Variants in PTPRT observed in about 807,000 individuals in gnomAD.
PTPRT encodes receptor-type tyrosine-protein phosphatase T.
A neutral mutation model predicts 176.8 loss-of-function variants in PTPRT; 56 were observed. That is an observed-to-expected ratio of 0.32 (90% confidence interval 0.26 to 0.40). PTPRT has a LOEUF of 0.40. PTPRT is among the 10% of genes least tolerant of loss of function. PTPRT has a pLI of 1.00. For synonymous variants in PTPRT, 783 were observed against 739.0 expected, an observed-to-expected ratio of 1.06 and a Z score of -0.96; for missense variants, 1,540 against 1,908.2, an observed-to-expected ratio of 0.81 and a Z score of 3.60.
intron 1 of PTPRT, among the ~76,000 whole-genome samples, chr20:43,066,160 G>A (rs567169245): frequency 2.7e-4 from 41 of 151,970 alleles, no homozygotes; most frequent in East Asian, 1.4e-3. Flanking sequence ...AACTATACAC[G>A]TGGCAGGTGC....
chr20:42,793,003 A>G (rs566960010), intron 2 of PTPRT, among the ~76,000 whole-genome samples: 50 of 152,332 alleles, frequency 3.3e-4, no homozygotes, highest in African/African-American at 1.2e-3. Flanking sequence ...ACCACCATGC[A>G]GAGCAGGCGG....
At chr20:42,151,811 C>T (rs1460150997) in intron 17 of PTPRT, among the ~76,000 whole-genome samples, 1 of 152,136 alleles carries the variant, frequency 6.6e-6, no homozygotes, top group Non-Finnish European at 1.5e-5. Context: ...TTCTGGTTTG[C>T]CTCAGACCAA....
At chr20:43,181,639 G>A (rs1425015194) in intron 1 of PTPRT, among the ~76,000 whole-genome samples, 1 of 152,124 alleles carries the variant, frequency 6.6e-6, no homozygotes, top group Non-Finnish European at 1.5e-5. Flanking sequence ...AATCATAAAT[G>A]CATGCTGTTT....
At chr20:42,694,810 T>A (rs988737363) in intron 6 of PTPRT, among the ~76,000 whole-genome samples, 1 of 152,220 alleles carries the variant, frequency 6.6e-6, no homozygotes, top group Non-Finnish European at 1.5e-5. Flanking sequence ...ATCTCATCTG[T>A]ACAGCCTAGT....
intron 7 of PTPRT, among the ~76,000 whole-genome samples, chr20:42,529,115 T>G (rs1026855720): frequency 6.6e-6 from 1 of 152,234 alleles, no homozygotes; most frequent in Non-Finnish European, 1.5e-5. Flanking sequence ...ATTAACGTGC[T>G]CAAGTTTCAC....
At chr20:43,046,578 G>A (rs946621344) in intron 1 of PTPRT, among the ~76,000 whole-genome samples, 1 of 150,900 alleles carries the variant, frequency 6.6e-6, no homozygotes, top group Non-Finnish European at 1.5e-5. Context: ...AAGCTTCCCC[G>A]TGGGCTAAGA....
intron 7 of PTPRT, among the ~76,000 whole-genome samples, chr20:42,670,532 A>G (rs890573743): frequency 2.6e-5 from 4 of 152,222 alleles, no homozygotes; most frequent in African/African-American, 4.8e-5. Context: ...AGGTAGACAC[A>G]TATCACTGCA....
rs11905611 is a variant in PTPRT, at chr20:43,157,023, C to T, written c.88+32623G>A. 6.3e-3 allele frequency among the ~76,000 whole-genome samples: 965 copies of T among 152,208 alleles called. 11 individuals are homozygous for T. Among genetic ancestry groups the T allele is most frequent in the African/African-American group, 0.023 (935 of 41,514 alleles). On this transcript the variant is annotated intron_variant, in intron 1 of 30. Coordinates refer to ENST00000373187, the MANE Select transcript of PTPRT (RefSeq NM_007050.6). ...CTACTTGCTGAATCCCTATCACATG[C>T]CACTGTTTTAAGCCATTGGGACACA...
chr20:42,697,314 C>T (rs1295467417), intron 6 of PTPRT, among the ~76,000 whole-genome samples: 1 of 152,170 alleles, frequency 6.6e-6, no homozygotes, highest in Non-Finnish European at 1.5e-5. Flanking sequence ...TCAAAGGAGG[C>T]ATTTTAATGC....
At chr20:42,575,385 C>A (rs1601301374) in intron 7 of PTPRT, among the ~76,000 whole-genome samples, 1 of 152,196 alleles carries the variant, frequency 6.6e-6, no homozygotes, top group South Asian at 2.1e-4. Context: ...AGTGGCAGGG[C>A]TCAGTTAAAA....
rs569400771 is a variant in PTPRT at position 42,113,537 on chromosome 20, AGACT to A, written c.3099+1658_3099+1661del. Among the ~76,000 whole-genome samples, 329 of 152,348 alleles carry A rather than the reference AGACT, an allele frequency of 2.2e-3. 2 individuals carry two copies. The highest frequency in any genetic ancestry group is 6.8e-3 in the Middle Eastern group (2 of 294). On this transcript the variant is annotated intron_variant, in intron 22 of 30. Coordinates refer to ENST00000373187, the MANE Select transcript of PTPRT (RefSeq NM_007050.6). Reference sequence around the variant, plus strand: ...CCTCAGTGGATGGTCCACGATCAGCAGACTGACTGACGTGGGAGCACAGAAGTCT... The same window carrying A: ...CCTCAGTGGATGGTCCACGATCAGCAGACTGACGTGGGAGCACAGAAGTCT...
At chr20:42,925,390 G>C (rs1568683455) in intron 1 of PTPRT, among the ~76,000 whole-genome samples, 2 of 152,090 alleles carry the variant, frequency 1.3e-5, no homozygotes, top group African/African-American at 4.8e-5. Context: ...GCTCCCCTAG[G>C]GTTCTGACCC....
chr20:42,327,078 G>A (rs946483275), intron 11 of PTPRT, among the ~76,000 whole-genome samples: 15 of 111,204 alleles, frequency 1.3e-4, no homozygotes, highest in African/African-American at 6.4e-4. Flanking sequence ...GGACTAGGTA[G>A]GGGTGTGTGT....
At chr20:42,184,595 C>CTTCTTCTTCTTCTTCTTCT (rs1990684333) in intron 16 of PTPRT, among the ~76,000 whole-genome samples, 40 of 29,362 alleles carry the variant, frequency 1.4e-3, no homozygotes, top group Middle Eastern at 0.019. Flanking sequence ...CTTCTTCTTC[C>CTTCTTCTTCTTCTTCTTCT]TCTTCTTCTT....
intron 1 of PTPRT, among the ~76,000 whole-genome samples, chr20:42,907,517 C>T (rs1262840491): frequency 6.6e-6 from 1 of 151,978 alleles, no homozygotes; most frequent in Admixed American, 6.6e-5. Context: ...ACAATTTGGG[C>T]CCACCCAAAA....
intron 13 of PTPRT, among the ~76,000 whole-genome samples, chr20:42,252,792 T>A (rs1301134784): frequency 2.6e-5 from 4 of 152,222 alleles, no homozygotes; most frequent in Admixed American, 2.6e-4. Flanking sequence ...GGAGAGGCTG[T>A]CTGAAAGTCC....
intron 9 of PTPRT, among the ~76,000 whole-genome samples, chr20:42,385,520 G>C (rs2058736590): frequency 6.6e-6 from 1 of 152,190 alleles, no homozygotes; most frequent in African/African-American, 2.4e-5. Context: ...ATACATTCTG[G>C]AGATCTGATA....
At chr20:43,142,136 T>C (rs758693227) in intron 1 of PTPRT, among the ~76,000 whole-genome samples, 86 of 152,216 alleles carry the variant, frequency 5.6e-4, no homozygotes, top group Non-Finnish European at 1.1e-3. Context: ...AATCATCCTA[T>C]ATGCCCATGC....
chr20:43,163,491 A>G (rs963211805), intron 1 of PTPRT, among the ~76,000 whole-genome samples: 3 of 152,122 alleles, frequency 2.0e-5, no homozygotes, highest in Non-Finnish European at 2.9e-5. Flanking sequence ...ATAAAAAATT[A>G]GCCAGGCGTG....
Sources: gnomAD v4.1 joint callset for allele counts (sites outside exome capture counted in the v4.1 genomes callset) on GRCh38, gnomAD v4.1.1 for gene constraint, MANE v1.5 for transcripts, NCBI Gene and HGNC (gene_info 2026-07-23, HGNC 2026-07-21) for gene names.